The following UNC80 variants were observed in gnomAD, a reference collection of about 807,000 sequenced individuals.
UNC80 encodes unc-80 subunit of NALCN channel complex.
UNC80 carries 164 observed loss-of-function variants against 384.6 expected under a neutral mutation model. That is an observed-to-expected ratio of 0.43 (90% CI 0.38 to 0.49). The LOEUF (loss-of-function observed/expected upper bound fraction) is 0.49. UNC80 is among the 20% of genes least tolerant of loss of function. The pLI, the probability that UNC80 is intolerant of heterozygous loss-of-function variation, is 0.00. For missense variants in UNC80, 3,330 were observed against 4,143.0 expected (o/e 0.80, Z 5.39); for synonymous variants, 1,486 against 1,527.8 (o/e 0.97, Z 0.64).
intron 24 of UNC80, 146 bp downstream of exon 24, chr2:209,878,235 G>T (rs1175410906): frequency 9.6e-6 from 8 of 837,568 alleles, no homozygotes; most frequent in Admixed American, 4.1e-5. Context: ...CTGTGCATGG[G>T]TGTAAAGCAT....
At position 209,881,051 on chromosome 2, in the gene UNC80, A is replaced by G; in HGVS notation, c.4067A>G (p.Glu1356Gly). The G allele has an allele frequency of 1.3e-6, 2 of 1,551,746 alleles. No individual in the cohort carries two copies. The highest frequency in any genetic ancestry group is 1.7e-6 in the Non-Finnish European group (2 of 1,147,020). Reference protein sequence around the residue: ...LLLEITTFLRETFSCLPRPRT... With the variant: ...LLLEITTFLRGTFSCLPRPRT... ...CTGGAGATTACCACCTTCCTGCGAG[A>G]GACCTTTTCTTGCCTGCCCAGACCT... The change falls in exon 25 of 65, where the codon GAG (glutamate) becomes GGG (glycine). Residue 1356 changes from glutamate (E) to glycine (G), a missense_variant. Coordinates refer to ENST00000673920, the MANE Select transcript of UNC80 (RefSeq NM_001371986.1).
At position 209,918,381 on chromosome 2, in the gene UNC80, G is replaced by A. The variant is rs930599788; in HGVS notation, c.5212-151G>A. On this transcript the variant is annotated intron_variant, in intron 32 of 64. Transcript: ENST00000673920. ...TTGTGCTCTATAACAGAAAATCTTG[G>A]CAAATAGCCCTTTTCTAAAATTCTT... 11 of 893,182 alleles carry A rather than the reference G, an allele frequency of 1.2e-5. No individual in the cohort carries two copies. In the African/African-American group the frequency reaches 1.5e-4, roughly 12 times the overall value. The allele number at this position is 893,182 out of a possible 1,614,324, so 55.3% of individuals were successfully genotyped here. A position where few individuals can be genotyped will look rare whatever the true frequency, so the allele number is the denominator to read the frequency against.
chr2:209,930,973 G>A lies in UNC80; in HGVS notation c.5913G>A (p.Glu1971=). The A allele has an allele frequency of 6.5e-7, 1 of 1,546,986 alleles. No individual in the cohort carries two copies. The highest frequency in any genetic ancestry group is 8.7e-7 in the Non-Finnish European group (1 of 1,143,802). Residue 1971 remains glutamate, a synonymous_variant, in exon 38 of 65, where the codon GAG becomes GAA. Coordinates refer to ENST00000673920, the MANE Select transcript of UNC80 (RefSeq NM_001371986.1). ...AAATTCTGTTCTTCTTTCAGGATGA[G>A]TTAATGTACATGCTGCGCAAACTTC... ...EKLTISNRQD[E]LMYMLRKLLL...
At chr2:209,846,070 T>G (rs1172323968) in intron 21 of UNC80, among the ~76,000 whole-genome samples, 1 of 152,052 alleles carries the variant, frequency 6.6e-6, no homozygotes, top group Non-Finnish European at 1.5e-5. Flanking sequence ...CCAACCATGA[T>G]AGATGTGTTG....
chr2:209,778,118 T>C (rs938661204), intron 4 of UNC80, among the ~76,000 whole-genome samples: 1 of 152,326 alleles, frequency 6.6e-6, no homozygotes, highest in African/African-American at 2.4e-5. Context: ...GGGTCTAAGT[T>C]TTAGCCAGGC....
intron 56 of UNC80, among the ~76,000 whole-genome samples, chr2:209,975,314 G>A (rs1159289255): frequency 6.6e-6 from 1 of 152,186 alleles, no homozygotes; most frequent in Admixed American, 6.5e-5. Context: ...TAGTGGCAGA[G>A]GGAGCTCCCG....
At chr2:209,818,890 C>T (rs2079936789) in intron 11 of UNC80, 103 bp from the exon 12 acceptor site, 2 of 1,331,350 alleles carry the variant, frequency 1.5e-6, no homozygotes, top group Non-Finnish European at 2.0e-6. Flanking sequence ...TTTTCAAAAA[C>T]TACAGCTGTT....
intron 40 of UNC80, among the ~76,000 whole-genome samples, chr2:209,936,216 G>A (rs779989672): frequency 1.3e-5 from 2 of 152,054 alleles, no homozygotes; most frequent in African/African-American, 2.4e-5. Context: ...TTATACTCAC[G>A]ATGAATGGTA....
intron 46 of UNC80, 113 bp downstream of exon 46, chr2:209,945,302 A>G (rs1250397331): frequency 2.7e-6 from 3 of 1,120,016 alleles, no homozygotes; most frequent in Non-Finnish European, 3.6e-6. Context: ...ATATAACTAA[A>G]TCAAAGTAGC....
At chr2:209,902,372 A>G (rs909336609) in intron 28 of UNC80, among the ~76,000 whole-genome samples, 1 of 152,244 alleles carries the variant, frequency 6.6e-6, no homozygotes, top group African/African-American at 2.4e-5. Flanking sequence ...ATGACAACAG[A>G]TAATTTAGAA....
At chr2:209,863,380 G>A (rs564875205) in intron 22 of UNC80, among the ~76,000 whole-genome samples, 1 of 152,274 alleles carries the variant, frequency 6.6e-6, no homozygotes, top group South Asian at 2.1e-4. Flanking sequence ...ATGTTGGCCT[G>A]TCTTGCTAGG....
chr2:209,776,161 T>G (rs1258884378), intron 3 of UNC80, 116 bp downstream of exon 3: 1 of 1,294,622 alleles, frequency 7.7e-7, no homozygotes, highest in African/African-American at 1.5e-5. Context: ...ATATATTATC[T>G]CATTTAATTA....
At position 209,922,279 on chromosome 2, in the gene UNC80, G is replaced by A. The variant is rs1575025735; in HGVS notation, c.5558G>A (p.Arg1853His). Reference sequence around the variant, plus strand: ...GAAGAAGTCACCAATCTGGCATCCCGTCGACTGTCTGTGAGTCCATCCTGC... The same window carrying A: ...GAAGAAGTCACCAATCTGGCATCCCATCGACTGTCTGTGAGTCCATCCTGC... ...EVEEVTNLAS[R>H]RLSVSPSCTS... Residue 1853 changes from arginine (R) to histidine (H), a missense_variant, in exon 35 of 65, where the codon CGT becomes CAT. Arg to His is a conservative substitution (Grantham distance 29). This residue lies in a region of UNC80 where 1,049 missense variants were observed against 1,488.6 expected (regional missense o/e 0.70). Coordinates refer to ENST00000673920, the MANE Select transcript of UNC80 (RefSeq NM_001371986.1). The A allele has an allele frequency of 1.9e-6, 3 of 1,552,082 alleles. No homozygotes were observed. The highest frequency in any genetic ancestry group is 1.2e-5 in the South Asian group (1 of 84,046).
chr2:209,871,884 A>G (rs965881404), intron 22 of UNC80, among the ~76,000 whole-genome samples: 19 of 148,934 alleles, frequency 1.3e-4, no homozygotes, highest in African/African-American at 3.5e-4. Flanking sequence ...ATGCTCTATC[A>G]TTTATCAATT....
chr2:209,794,941 T>A (rs1041010931), intron 7 of UNC80: 24 of 356,160 alleles, frequency 6.7e-5, no homozygotes, highest in Non-Finnish European at 1.3e-4. Flanking sequence ...ACCAGTAGAG[T>A]GGGGCATTGC....
chr2:209,893,789 C>T (rs1398674860), intron 26 of UNC80, among the ~76,000 whole-genome samples: 2 of 152,156 alleles, frequency 1.3e-5, no homozygotes, highest in Non-Finnish European at 2.9e-5. Flanking sequence ...TTACAGAAGT[C>T]TGTAAGTCCC....
At chr2:209,904,036 G>C (rs1238278769) in intron 28 of UNC80, among the ~76,000 whole-genome samples, 2 of 152,108 alleles carry the variant, frequency 1.3e-5, no homozygotes, top group Admixed American at 1.3e-4. Context: ...TTTAAGAAAA[G>C]CTCCTTAAGA....
chr2:209,849,352 T>C, intron 21 of UNC80, 99 bp from the exon 22 acceptor site: 2 of 1,360,924 alleles, frequency 1.5e-6, no homozygotes, highest in South Asian at 1.4e-5. Context: ...TGGCCAACAC[T>C]GTAGAAAACA....
At chr2:209,835,225 C>T (rs567909675) in intron 18 of UNC80, among the ~76,000 whole-genome samples, 1 of 152,276 alleles carries the variant, frequency 6.6e-6, no homozygotes, top group Admixed American at 6.5e-5. Context: ...ACTACATTTC[C>T]CATCTCCAGT....
Sources: allele counts gnomAD v4.1 joint callset (sites outside exome capture counted in the v4.1 genomes callset), GRCh38; gene constraint gnomAD v4.1.1; regional missense constraint gnomAD v4.1.1; transcripts MANE v1.5; gene names NCBI Gene and HGNC (gene_info 2026-07-23, HGNC 2026-07-21).